FGFR2: variants seen among roughly 807,000 people sequenced by gnomAD.
The protein encoded by FGFR2 is BEK fibroblast growth factor receptor.
In FGFR2, 19 loss-of-function variants were observed where a neutral mutation model predicts 95.9. The observed-to-expected ratio is 0.20, with a 90% confidence interval of 0.14 to 0.29. The LOEUF is 0.29. FGFR2 is among the 10% of genes least tolerant of loss of function. FGFR2 has a pLI of 1.00. For missense variants in FGFR2, 707 were observed against 1,056.9 expected (o/e 0.67, Z 4.59); for synonymous variants, 392 against 393.3 (o/e 1.00, Z 0.04).
At chr10:121,574,797 C>T (rs1017430426) in intron 2 of FGFR2, among the ~76,000 whole-genome samples, 3 of 152,140 alleles carry the variant, frequency 2.0e-5, no homozygotes, top group South Asian at 4.1e-4. Context: ...ACAAATACTC[C>T]GCACAATATA....
At chr10:121,510,889 C>T (rs1406775419) in intron 9 of FGFR2, among the ~76,000 whole-genome samples, 1 of 151,980 alleles carries the variant, frequency 6.6e-6, no homozygotes, top group Non-Finnish European at 1.5e-5. Context: ...GCAACCTCTA[C>T]CTCCTGGGTT....
intron 9 of FGFR2, among the ~76,000 whole-genome samples, chr10:121,504,281 T>C (rs934419601): frequency 6.6e-6 from 1 of 151,672 alleles, no homozygotes; most frequent in Non-Finnish European, 1.5e-5. Context: ...TTAGTGCCTT[T>C]ATGGTTGTAC....
In FGFR2 at chr10:121,479,782, G is replaced by A. The variant is rs2133675183; in HGVS notation, c.*75C>T. On this transcript the variant is annotated 3_prime_UTR_variant, in exon 18 of 18. Transcript: ENST00000358487. ...ATACAAGTGGAGACAACAAGCTCTG[G>A]GAGGCATGGTCTCCCTGCTCAGTGT... is the stretch of plus-strand genomic sequence containing the variant. 2 of 1,613,312 alleles carry A rather than the reference G, an allele frequency of 1.2e-6. No homozygotes were observed. Among genetic ancestry groups the A allele is most frequent in the East Asian group, 2.2e-5 (1 of 44,864 alleles).
chr10:121,551,908 T>C (rs759809695), intron 4 of FGFR2, among the ~76,000 whole-genome samples: 1 of 152,138 alleles, frequency 6.6e-6, no homozygotes, highest in Non-Finnish European at 1.5e-5. Context: ...TATCAACTTA[T>C]CCATTGGAGC....
intron 5 of FGFR2, among the ~76,000 whole-genome samples, chr10:121,548,109 C>G (rs968010590): frequency 1.3e-5 from 2 of 152,100 alleles, no homozygotes; most frequent in Admixed American, 1.3e-4. Flanking sequence ...CTAGGCTGAC[C>G]ACCTCTGCAA....
At position 121,487,243 on chromosome 10, in the gene FGFR2, CT is replaced by C; in HGVS notation, c.2057+110del. ...TTTCTAAGGCCAGCTCCTGCACCTT[CT>C]ACGAATGTGTGAAATGCAGCAGCCA... On this transcript the variant is annotated intron_variant, in intron 15 of 17. Transcript: ENST00000358487. 3.9e-6 allele frequency: 3 copies of C among 765,824 alleles called. No homozygotes were observed. In the South Asian group the frequency reaches 4.5e-5, roughly 11 times the overall value. The allele number at this position is 765,824 out of a possible 1,614,324, so 47.4% of individuals were successfully genotyped here.
intron 10 of FGFR2, among the ~76,000 whole-genome samples, chr10:121,501,672 C>A (rs1947830333): frequency 1.3e-5 from 2 of 152,230 alleles, no homozygotes; most frequent in African/African-American, 4.8e-5. Context: ...ATGAATACGG[C>A]TCTTTCTAAC....
At chr10:121,581,135 G>A (rs543438127) in intron 2 of FGFR2, among the ~76,000 whole-genome samples, 2 of 152,198 alleles carry the variant, frequency 1.3e-5, no homozygotes, top group Non-Finnish European at 2.9e-5. Context: ...ACTCAAATAC[G>A]GCCTGGAGGC....
intron 2 of FGFR2, among the ~76,000 whole-genome samples, chr10:121,586,302 G>A (rs79092492): frequency 3.1e-3 from 466 of 152,270 alleles, no homozygotes; most frequent in African/African-American, 0.011. Flanking sequence ...CCTTGTTCTC[G>A]TTCTTGAATC....
chr10:121,565,520 C>T lies in FGFR2; in HGVS notation c.294G>A (p.Thr98=), dbSNP rs1047101. 8.2e-3 allele frequency: 13,156 copies of T among 1,614,202 alleles called. 95 individuals carry two copies. The highest frequency in any genetic ancestry group is 8.6e-3 in the Non-Finnish European group (10,145 of 1,180,036). ...IGEYLQIKGA[T]PRDSGLYACT... is the part of the protein sequence containing the mutation. ...AAGCATAGAGGCCGGAGTCTCTAGG[C>T]GTGGCGCCCTTTATCTGCAAGTACT... Residue 98 remains threonine, a synonymous_variant, in exon 3 of 18, where the codon ACG becomes ACA. Coordinates refer to ENST00000358487, the MANE Select transcript of FGFR2 (RefSeq NM_000141.5).
At chr10:121,567,539 G>A (rs1172001041) in intron 2 of FGFR2, among the ~76,000 whole-genome samples, 2 of 152,226 alleles carry the variant, frequency 1.3e-5, no homozygotes, top group African/African-American at 4.8e-5. Flanking sequence ...TAAAGACCCT[G>A]CACTTGTGGA....
chr10:121,582,549 C>T (rs1861105840), intron 2 of FGFR2, among the ~76,000 whole-genome samples: 4 of 152,098 alleles, frequency 2.6e-5, no homozygotes, highest in Admixed American at 2.6e-4. Flanking sequence ...AATCCCAGCA[C>T]TTTGGGAGGC....
rs2134485730 is a variant in FGFR2 at position 121,531,940 on chromosome 10, TA to T, written c.748+6651del. ...CGCTCCGGTTCCGTGATCTGTCAAC[TA>T]AATAAGCCCACTTAGAAAGGCTGTC... is the stretch of plus-strand genomic sequence containing the variant. On this transcript the variant is annotated intron_variant, in intron 6 of 17. Coordinates refer to ENST00000358487, the MANE Select transcript of FGFR2 (RefSeq NM_000141.5). The surrounding 1 kb of genome is among the most constrained non-coding windows in gnomAD (Gnocchi z 4.5). Among the ~76,000 whole-genome samples the T allele has an allele frequency of 6.6e-6, 1 of 152,270 alleles. No individual in the cohort carries two copies. The highest frequency in any genetic ancestry group is 2.1e-4 in the South Asian group (1 of 4,830).
At chr10:121,589,316 T>C (rs1359205179) in intron 2 of FGFR2, among the ~76,000 whole-genome samples, 1 of 152,236 alleles carries the variant, frequency 6.6e-6, no homozygotes, top group Non-Finnish European at 1.5e-5. Flanking sequence ...AGTGGATACA[T>C]TTTATTGAAA....
intron 4 of FGFR2, among the ~76,000 whole-genome samples, chr10:121,560,489 C>A (rs1483269570): frequency 6.6e-6 from 1 of 151,776 alleles, no homozygotes; most frequent in South Asian, 2.1e-4. Flanking sequence ...GTGGTGGGCA[C>A]CTGTAGTCCC....
chr10:121,553,578 A>T lies in FGFR2; in HGVS notation c.455-2119T>A, dbSNP rs564118854. ...ACTACACAAAGACGTTTACAAATCTAACCTAAATGAAAAGCATACCTCATG... is the reference window on the plus strand; with the variant it reads ...ACTACACAAAGACGTTTACAAATCTTACCTAAATGAAAAGCATACCTCATG... On this transcript the variant is annotated intron_variant, in intron 4 of 17. Transcript: ENST00000358487. Among the ~76,000 whole-genome samples the T allele has an allele frequency of 1.3e-4, 20 of 152,356 alleles. 1 individual carries two copies. In the South Asian group the frequency reaches 4.1e-3, roughly 32 times the overall value.
chr10:121,529,333 C>A (rs1207627681), intron 6 of FGFR2, among the ~76,000 whole-genome samples: 1 of 152,182 alleles, frequency 6.6e-6, no homozygotes, highest in Non-Finnish European at 1.5e-5. Flanking sequence ...TGGTCTCAAA[C>A]TCCTGATCTC....
At chr10:121,514,739 T>C (rs1849468257) in intron 9 of FGFR2, among the ~76,000 whole-genome samples, 1 of 152,230 alleles carries the variant, frequency 6.6e-6, no homozygotes, top group South Asian at 2.1e-4. Flanking sequence ...CGAATGTTCA[T>C]GCTTATCTTA....
At chr10:121,551,064 C>CA (rs1564971534) in intron 5 of FGFR2, among the ~76,000 whole-genome samples, 1 of 151,910 alleles carries the variant, frequency 6.6e-6, no homozygotes, top group Non-Finnish European at 1.5e-5. Context: ...GCTACAGATA[C>CA]AAAAAATTAG....
Sources: allele counts gnomAD v4.1 joint callset (sites outside exome capture counted in the v4.1 genomes callset), GRCh38; gene constraint gnomAD v4.1.1; non-coding constraint Gnocchi (gnomAD v3.1); transcripts MANE v1.5; gene names NCBI Gene and HGNC (gene_info 2026-07-23, HGNC 2026-07-21).